The following PDE9A variants were observed in gnomAD, a reference collection of about 807,000 sequenced individuals.
The protein encoded by PDE9A is high affinity cGMP-specific 3',5'-cyclic phosphodiesterase 9A.
PDE9A carries 60 observed loss-of-function variants against 87.4 expected under a neutral mutation model. That is an observed-to-expected ratio of 0.69 (90% CI 0.56 to 0.85). The LOEUF (loss-of-function observed/expected upper bound fraction) is 0.85. PDE9A is among the 40% of genes least tolerant of loss of function. The pLI is 0.00. For missense variants in PDE9A, 665 were observed against 779.0 expected (o/e 0.85, Z 1.74); for synonymous variants, 272 against 279.4 (o/e 0.97, Z 0.27).
chr21:42,751,136 A>G lies in PDE9A; in HGVS notation c.674A>G (p.Tyr225Cys), dbSNP rs1337317180. The G allele has an allele frequency of 9.3e-6, 15 of 1,610,826 alleles. No individual in the cohort carries two copies. The highest frequency in any genetic ancestry group is 1.3e-5 in the Non-Finnish European group (15 of 1,177,120). The change falls in exon 9 of 20, where the codon TAC (tyrosine) becomes TGC (cysteine). Residue 225 changes from tyrosine (Y) to cysteine (C), a missense_variant. Physicochemically the swap from Tyr to Cys is radical, Grantham distance 194 (BLOSUM62 -2). Transcript: ENST00000291539. ...RSSRTNCPCKYSFLDNHKKLT... is the reference protein window; with the variant it reads ...RSSRTNCPCKCSFLDNHKKLT... The stretch of plus-strand genomic sequence containing the variant: ...TCTAGGACCAACTGCCCCTGTAAGT[A>G]CAGTTTTTTGGATAACCACAAGAAG...
In PDE9A at chr21:42,656,942, G is replaced by A. The variant is rs552766433; in HGVS notation, c.69+3059G>A. ...GGCAGATTGCCTGGTCAATGAGCCC[G>A]CCGTGTTTATTGAGCATCTACTATG... On this transcript the variant is annotated intron_variant, in intron 1 of 19. Coordinates refer to ENST00000291539, the MANE Select transcript of PDE9A (RefSeq NM_002606.3). Among the ~76,000 whole-genome samples, 15 of 152,332 alleles carry A rather than the reference G, an allele frequency of 9.8e-5. No homozygotes were observed. The South Asian group carries it at 1.7e-3, about 17-fold the overall frequency.
intron 4 of PDE9A, among the ~76,000 whole-genome samples, chr21:42,726,905 C>T (rs1436996785): frequency 6.6e-6 from 1 of 151,362 alleles, no homozygotes; most frequent in East Asian, 1.9e-4. Flanking sequence ...TTCCATTGCT[C>T]TACCTGTCTG....
At chr21:42,747,402 G>A (rs943937566) in intron 8 of PDE9A, among the ~76,000 whole-genome samples, 6 of 152,194 alleles carry the variant, frequency 3.9e-5, no homozygotes, top group Non-Finnish European at 7.3e-5. Context: ...CCCAGACAGG[G>A]TGGAGCTAGC....
chr21:42,768,492 T>A (rs553387208), intron 16 of PDE9A, 200 bp downstream of exon 16: 1 of 1,233,200 alleles, frequency 8.1e-7, no homozygotes, highest in African/African-American at 1.5e-5. Flanking sequence ...ACAGTAACAA[T>A]CCAGAAAAGC....
In PDE9A at chr21:42,759,162, C is replaced by A; in HGVS notation, c.897+77C>A. 1 of 1,038,102 alleles carries A rather than the reference C, an allele frequency of 9.6e-7. No homozygotes were observed. The highest frequency in any genetic ancestry group is 1.5e-6 in the Non-Finnish European group (1 of 666,844). The allele number at this position is 1,038,102 out of a possible 1,614,324, so 64.3% of individuals were successfully genotyped here. ...TTCCACAGGAATGGAGGGAATGGATCACCAGGGCACCTTCCGGATGGCACT... is the reference window on the plus strand; with the variant it reads ...TTCCACAGGAATGGAGGGAATGGATAACCAGGGCACCTTCCGGATGGCACT... On this transcript the variant is annotated intron_variant, in intron 11 of 19. Coordinates refer to ENST00000291539, the MANE Select transcript of PDE9A (RefSeq NM_002606.3). The surrounding 1 kb of genome is among the most constrained non-coding windows in gnomAD (Gnocchi z 7.2).
In PDE9A at chr21:42,686,393, T is replaced by G. The variant is rs543345693; in HGVS notation, c.140+131T>G. On this transcript the variant is annotated intron_variant, in intron 2 of 19. Transcript: ENST00000291539. ...GCCTTCTACAAGGGGCTCTTCGAAA[T>G]CAATCAATGCGCAGAATCCCGAGGG... 1.0e-5 allele frequency: 7 copies of G among 692,786 alleles called. No individual in the cohort carries two copies. In the African/African-American group the frequency reaches 1.3e-4, roughly 12 times the overall value. 42.9% of individuals were successfully genotyped at this position (692,786 alleles called of 1,614,324 possible).
intron 4 of PDE9A, among the ~76,000 whole-genome samples, chr21:42,708,692 T>C (rs941613442): frequency 2.6e-5 from 4 of 152,294 alleles, no homozygotes; most frequent in East Asian, 1.9e-4. Context: ...GTAGCTGAGA[T>C]TACAGGCGCA....
intron 4 of PDE9A, among the ~76,000 whole-genome samples, chr21:42,703,453 G>A (rs540937065): frequency 2.0e-5 from 3 of 152,258 alleles, no homozygotes; most frequent in Non-Finnish European, 4.4e-5. Flanking sequence ...CCTGGAGGCA[G>A]GAAGAGGCAA....
chr21:42,716,637 T>C (rs2049941118), intron 4 of PDE9A, among the ~76,000 whole-genome samples: 1 of 151,566 alleles, frequency 6.6e-6, no homozygotes, highest in Admixed American at 6.6e-5. Flanking sequence ...ATAAGGACAC[T>C]GCAGCTATAT....
intron 1 of PDE9A, among the ~76,000 whole-genome samples, chr21:42,661,501 T>G (rs2057487317): frequency 6.6e-6 from 1 of 151,414 alleles, no homozygotes; most frequent in South Asian, 2.1e-4. Flanking sequence ...CGCCCTGCTG[T>G]GCCTGGCCTC....
intron 7 of PDE9A, among the ~76,000 whole-genome samples, chr21:42,735,824 A>G (rs934248281): frequency 6.6e-6 from 1 of 152,138 alleles, no homozygotes; most frequent in Non-Finnish European, 1.5e-5. Flanking sequence ...GGTTGTGAAC[A>G]GATCTTTCTG....
At chr21:42,698,551 T>G (rs1341264665) in intron 3 of PDE9A, among the ~76,000 whole-genome samples, 1 of 152,196 alleles carries the variant, frequency 6.6e-6, no homozygotes, top group Admixed American at 6.5e-5. Flanking sequence ...ACTTCATCAC[T>G]GTCACCATCC....
Position 42,767,777 on chromosome 21 carries a change from G to A in PDE9A, c.1357-411G>A, listed in dbSNP as rs116957214. On this transcript the variant is annotated intron_variant, in intron 15 of 19. Coordinates refer to ENST00000291539, the MANE Select transcript of PDE9A (RefSeq NM_002606.3). ...TGGCGACATCCGGGCTAGTTTGGGTGGAAGCTGCTGCATTCCTGGGCCTGC... is the reference window on the plus strand; with the variant it reads ...TGGCGACATCCGGGCTAGTTTGGGTAGAAGCTGCTGCATTCCTGGGCCTGC... Among the ~76,000 whole-genome samples, 1,252 of 152,324 alleles carry A rather than the reference G, an allele frequency of 8.2e-3. 6 individuals are homozygous for A. Among genetic ancestry groups the A allele is most frequent in the Middle Eastern group, 0.017 (5 of 294 alleles).
chr21:42,669,747 C>G (rs758177537), intron 1 of PDE9A, among the ~76,000 whole-genome samples: 2 of 152,138 alleles, frequency 1.3e-5, no homozygotes, highest in African/African-American at 4.8e-5. Flanking sequence ...CACCGCATCC[C>G]GGAGAGCCGA....
chr21:42,670,128 C>T (rs559285171), intron 1 of PDE9A, among the ~76,000 whole-genome samples: 3 of 151,510 alleles, frequency 2.0e-5, no homozygotes, highest in Admixed American at 2.0e-4. Context: ...CATTCACAGG[C>T]TCACACATGC....
intron 3 of PDE9A, among the ~76,000 whole-genome samples, chr21:42,690,537 G>A (rs1045987029): frequency 2.0e-5 from 3 of 151,990 alleles, no homozygotes; most frequent in Non-Finnish European, 2.9e-5. Context: ...CAAACTGATC[G>A]TGGCTGGGGG....
rs773230932 is a variant in PDE9A, at chr21:42,762,112, C to T, written c.1115C>T (p.Ala372Val). 8.7e-6 allele frequency: 14 copies of T among 1,613,872 alleles called. No individual in the cohort carries two copies. Among genetic ancestry groups the T allele is most frequent in the East Asian group, 2.2e-5 (1 of 44,890 alleles). Reference protein sequence around the residue: ...TYQINARTELAVRYNDISPLE... With the variant: ...TYQINARTELVVRYNDISPLE... ...CAGATCAATGCCCGCACAGAGCTGG[C>T]GGTCCGCTACAATGACATCTCACCG... is the stretch of plus-strand genomic sequence containing the variant. Residue 372 changes from alanine (A) to valine (V), a missense_variant, in exon 14 of 20, where the codon GCG becomes GTG. Physicochemically the swap from Ala to Val is moderately conservative, Grantham distance 64. Transcript: ENST00000291539.
At chr21:42,713,518 A>AT (rs533683761) in intron 4 of PDE9A, among the ~76,000 whole-genome samples, 5 of 151,994 alleles carry the variant, frequency 3.3e-5, no homozygotes, top group Admixed American at 6.5e-5. Flanking sequence ...TTGATTTGTA[A>AT]TTTTTTTTCT....
chr21:42,693,901 A>G (rs1338563109), intron 3 of PDE9A, among the ~76,000 whole-genome samples: 1 of 152,084 alleles, frequency 6.6e-6, no homozygotes, highest in Non-Finnish European at 1.5e-5. Flanking sequence ...CCACCCAGGA[A>G]TCTTTTAAAA....
Sources: allele counts gnomAD v4.1 joint callset (sites outside exome capture counted in the v4.1 genomes callset), GRCh38; gene constraint gnomAD v4.1.1; non-coding constraint Gnocchi (gnomAD v3.1); transcripts MANE v1.5; gene names NCBI Gene and HGNC (gene_info 2026-07-23, HGNC 2026-07-21).